The following ANKS1B variants were observed in gnomAD, a reference collection of about 807,000 sequenced individuals.
ANKS1B encodes ankyrin repeat and sterile alpha motif domain-containing protein 1B.
A neutral mutation model predicts 148.3 loss-of-function variants in ANKS1B; 36 were observed. That is an observed-to-expected ratio of 0.24 (90% CI 0.19 to 0.32). ANKS1B has a LOEUF of 0.32. Ranked by LOEUF, ANKS1B falls within the 10% of genes least tolerant of loss-of-function variation. The pLI is 1.00. For synonymous variants in ANKS1B, 542 were observed against 560.8 expected (o/e 0.97, Z 0.47); for missense variants, 1,157 against 1,542.6 (o/e 0.75, Z 4.19).
intron 14 of ANKS1B, among the ~76,000 whole-genome samples, chr12:99,233,342 T>C (rs1231923832): frequency 6.6e-6 from 1 of 152,128 alleles, no homozygotes; most frequent in Admixed American, 6.6e-5. Context: ...GGTGAGGAAG[T>C]TGACATCAGG....
rs2097852344 is a variant in ANKS1B at position 98,745,125 on chromosome 12, G to C, written c.*614C>G. 1 of 985,704 alleles carries C rather than the reference G, an allele frequency of 1.0e-6. No homozygotes were observed. The highest frequency in any genetic ancestry group is 1.2e-6 in the Non-Finnish European group (1 of 829,916). The allele number at this position is 985,704 out of a possible 1,614,324, so 61.1% of individuals were successfully genotyped here. A position where few individuals can be genotyped will look rare whatever the true frequency, so the allele number is the denominator to read the frequency against. ...TTCTTTCCTTTTGAACCAATCATTT[G>C]GTTGAAAGGTTTTCTTTCTCTGACA... On this transcript the variant is annotated 3_prime_UTR_variant, in exon 27 of 27. Coordinates refer to ENST00000683438, the MANE Select transcript of ANKS1B (RefSeq NM_001352186.2).
intron 16 of ANKS1B, among the ~76,000 whole-genome samples, chr12:99,081,512 G>T (rs960018565): frequency 1.3e-5 from 2 of 152,120 alleles, no homozygotes; most frequent in Admixed American, 6.6e-5. Flanking sequence ...TGAAGATCGG[G>T]CTCATTACCT....
At chr12:99,171,362 A>G (rs1299169980) in intron 14 of ANKS1B, among the ~76,000 whole-genome samples, 1 of 152,246 alleles carries the variant, frequency 6.6e-6, no homozygotes, top group East Asian at 1.9e-4. Context: ...ATTCAAAAAT[A>G]GAAATGCAAA....
rs150423916 is a variant in ANKS1B at position 99,893,101 on chromosome 12, G to A, written c.135-67712C>T. ...GTAGAGATAACTTATTGGGGTTCAGGGGGTTGATTTAAAAATTGAGAACTA... is the reference window on the plus strand; with the variant it reads ...GTAGAGATAACTTATTGGGGTTCAGAGGGTTGATTTAAAAATTGAGAACTA... On this transcript the variant is annotated intron_variant, in intron 1 of 26. Transcript: ENST00000683438. 1.7e-3 allele frequency among the ~76,000 whole-genome samples: 253 copies of A among 151,980 alleles called. 9 individuals carry two copies. The East Asian group carries it at 0.041, about 25-fold the overall frequency.
At chr12:99,965,224 T>C (rs1340475302) in intron 1 of ANKS1B, among the ~76,000 whole-genome samples, 1 of 152,104 alleles carries the variant, frequency 6.6e-6, no homozygotes, top group Non-Finnish European at 1.5e-5. Context: ...TCCTGGAACA[T>C]TTTATGATGC....
intron 17 of ANKS1B, among the ~76,000 whole-genome samples, chr12:99,033,309 A>C (rs1302549511): frequency 1.3e-5 from 2 of 152,202 alleles, no homozygotes; most frequent in Non-Finnish European, 2.9e-5. Context: ...ATCATTATGC[A>C]CTTTTAAGTG....
At chr12:99,944,719 A>G (rs2095015023) in intron 1 of ANKS1B, among the ~76,000 whole-genome samples, 1 of 152,154 alleles carries the variant, frequency 6.6e-6, no homozygotes, top group South Asian at 2.1e-4. Flanking sequence ...TAAGAAGCAT[A>G]CTGAATCTGA....
chr12:99,287,480 T>C (rs1271553739), intron 12 of ANKS1B, among the ~76,000 whole-genome samples: 1 of 152,124 alleles, frequency 6.6e-6, no homozygotes, highest in Non-Finnish European at 1.5e-5. Flanking sequence ...AATAAATACC[T>C]AACTCTTCAA....
rs574198628 is a variant in ANKS1B at position 99,667,588 on chromosome 12, T to C, written c.1129-12378A>G. Among the ~76,000 whole-genome samples, 8 of 152,302 alleles carry C rather than the reference T, an allele frequency of 5.3e-5. No homozygotes were observed. The South Asian group carries it at 8.3e-4, about 16-fold the overall frequency. On this transcript the variant is annotated intron_variant, in intron 8 of 26. Coordinates refer to ENST00000683438, the MANE Select transcript of ANKS1B (RefSeq NM_001352186.2). ...CTTTATGCCTTTATTTTCTAGCCCTTGTCTTACTGCACTGGCCAGAATTGC... is the reference window on the plus strand; with the variant it reads ...CTTTATGCCTTTATTTTCTAGCCCTCGTCTTACTGCACTGGCCAGAATTGC...
At chr12:99,631,291 C>T (rs1196235144) in intron 9 of ANKS1B, among the ~76,000 whole-genome samples, 1 of 151,836 alleles carries the variant, frequency 6.6e-6, no homozygotes, top group Non-Finnish European at 1.5e-5. Context: ...TTATAAGTAA[C>T]AGAAAATGAA....
intron 12 of ANKS1B, chr12:99,343,772 C>T (rs35498333): frequency 6.6e-6 from 1 of 152,018 alleles, no homozygotes; most frequent in African/African-American, 2.4e-5. Context: ...TCACCTCTCA[C>T]TCACCTCCAC....
intron 17 of ANKS1B, among the ~76,000 whole-genome samples, chr12:98,892,919 G>A (rs1366140641): frequency 1.3e-5 from 2 of 152,198 alleles, no homozygotes; most frequent in East Asian, 3.9e-4. Context: ...TTCTACTCAA[G>A]GTGCCAAACT....
At chr12:98,929,780 A>C (rs1479912296) in intron 17 of ANKS1B, among the ~76,000 whole-genome samples, 1 of 152,084 alleles carries the variant, frequency 6.6e-6, no homozygotes, top group Non-Finnish European at 1.5e-5. Flanking sequence ...ATGATTCACA[A>C]AAATTAACTC....
In ANKS1B at chr12:99,174,035, T is replaced by C. The variant is rs184161069; in HGVS notation, c.2420-19640A>G. On this transcript the variant is annotated intron_variant, in intron 14 of 26. Transcript: ENST00000683438. ...AATTGGGAAGATGTCACTTCCATTA[T>C]TAGATTACAAAGTTCTGACTTTGAT... is the stretch of plus-strand genomic sequence containing the variant. Among the ~76,000 whole-genome samples, 3 of 152,358 alleles carry C rather than the reference T, an allele frequency of 2.0e-5. No individual in the cohort carries two copies. In the East Asian group the frequency reaches 5.8e-4, roughly 29 times the overall value.
chr12:99,844,066 A>G (rs1042174838), intron 1 of ANKS1B, among the ~76,000 whole-genome samples: 1 of 152,094 alleles, frequency 6.6e-6, no homozygotes, highest in African/African-American at 2.4e-5. Flanking sequence ...GTGTCTGTTC[A>G]TGTCCTTTGC....
intron 15 of ANKS1B, among the ~76,000 whole-genome samples, chr12:99,096,523 A>G (rs985458828): frequency 6.6e-6 from 1 of 152,184 alleles, no homozygotes; most frequent in African/African-American, 2.4e-5. Context: ...AACCCCACGA[A>G]GGGCTAAACT....
chr12:98,941,026 A>G (rs2099835815), intron 17 of ANKS1B, among the ~76,000 whole-genome samples: 1 of 152,220 alleles, frequency 6.6e-6, no homozygotes, highest in Non-Finnish European at 1.5e-5. Context: ...AGGTCACTAC[A>G]AACACTGAAT....
intron 10 of ANKS1B, among the ~76,000 whole-genome samples, chr12:99,485,231 T>C (rs78879267): frequency 0.038 from 5,746 of 152,164 alleles, 154 homozygotes; most frequent in South Asian, 0.084. Flanking sequence ...TCCCTCAAGA[T>C]CTGTCTGAAA....
chr12:99,058,719 CTT>C (rs869064302), intron 16 of ANKS1B, among the ~76,000 whole-genome samples: 4 of 80,666 alleles, frequency 5.0e-5, no homozygotes, highest in African/African-American at 1.5e-4. Context: ...TCTATCTATC[CTT>C]TTTTTTTTTT....
Sources: allele counts gnomAD v4.1 joint callset (sites outside exome capture counted in the v4.1 genomes callset), GRCh38; gene constraint gnomAD v4.1.1; transcripts MANE v1.5; gene names NCBI Gene and HGNC (gene_info 2026-07-23, HGNC 2026-07-21).